The following MANBA variants were observed in gnomAD, a reference collection of about 807,000 sequenced individuals.
MANBA encodes beta-mannosidase.
A neutral mutation model predicts 111.1 loss-of-function variants in MANBA; 83 were observed. That is an observed-to-expected ratio of 0.75 (90% CI 0.63 to 0.90). The LOEUF is 0.90. Ranked by LOEUF, MANBA falls within the 40% of genes least tolerant of loss-of-function variation. The pLI, the probability that MANBA is intolerant of heterozygous loss-of-function variation, is 0.00. For synonymous variants in MANBA, 370 were observed against 378.7 expected (o/e 0.98, Z 0.27); for missense variants, 1,036 against 1,069.0 (o/e 0.97, Z 0.43).
chr4:102,751,761 A>T, intron 1 of MANBA: 2 of 532,760 alleles, frequency 3.8e-6, no homozygotes, highest in Admixed American at 3.9e-5. Flanking sequence ...TTATGATAAG[A>T]CCTCTCAAAT....
intron 2 of MANBA, among the ~76,000 whole-genome samples, chr4:102,726,115 A>G (rs1722786012): frequency 6.6e-6 from 1 of 151,830 alleles, no homozygotes; most frequent in South Asian, 2.1e-4. Context: ...AAAAAAAATC[A>G]CATAAAAGGG....
chr4:102,665,113 C>CT lies in MANBA; in HGVS notation c.1318-262_1318-261insA. The stretch of plus-strand genomic sequence containing the variant: ...ATATAAAAACTGAAGATAATATAAT[C>CT]CCTTTTTTAGAAAGAGAAAGAAAAG... On this transcript the variant is annotated intron_variant, in intron 10 of 16. Transcript: ENST00000647097. 7.5e-6 allele frequency: 3 copies of CT among 399,840 alleles called. No homozygotes were observed. The South Asian group carries it at 8.5e-5, about 11-fold the overall frequency. The allele number at this position is 399,840 out of a possible 1,614,324, so 24.8% of individuals were successfully genotyped here.
chr4:102,734,264 G>T, intron 1 of MANBA: 12 of 1,273,804 alleles, frequency 9.4e-6, no homozygotes, highest in Non-Finnish European at 1.3e-5. Flanking sequence ...AACCTACAAA[G>T]TCTACTCTTC....
At chr4:102,734,746 A>G in intron 1 of MANBA, 1 of 621,724 alleles carries the variant, frequency 1.6e-6, no homozygotes, top group Non-Finnish European at 2.9e-6. Context: ...CTCTGACCTC[A>G]GAGATCTAGA....
intron 4 of MANBA, among the ~76,000 whole-genome samples, chr4:102,716,994 A>G (rs1722364289): frequency 6.6e-6 from 1 of 152,216 alleles, no homozygotes; most frequent in South Asian, 2.1e-4. Context: ...TCATATTCAG[A>G]ATGAAAACCA....
At chr4:102,647,978 G>A (rs1176302382) in intron 13 of MANBA, among the ~76,000 whole-genome samples, 5 of 152,156 alleles carry the variant, frequency 3.3e-5, no homozygotes. Flanking sequence ...AAAATTTCCT[G>A]TCTACTTCAG....
chr4:102,669,705 G>T (rs148414564), intron 9 of MANBA, among the ~76,000 whole-genome samples: 3,279 of 152,236 alleles, frequency 0.022, 97 homozygotes, highest in African/African-American at 0.072. Context: ...ATTAGGCCAG[G>T]CACGGTGGCT....
intron 9 of MANBA, among the ~76,000 whole-genome samples, chr4:102,670,510 C>T (rs1010539015): frequency 6.6e-5 from 10 of 152,164 alleles, no homozygotes; most frequent in Middle Eastern, 3.4e-3. Flanking sequence ...ATTTTCTTTG[C>T]TTTATCCTCA....
chr4:102,631,703 T>G lies in MANBA; in HGVS notation c.*354A>C. 1.9e-6 allele frequency: 1 copy of G among 534,068 alleles called. No homozygotes were observed. The highest frequency in any genetic ancestry group is 3.3e-6 in the Non-Finnish European group (1 of 304,650). The allele number at this position is 534,068 out of a possible 1,614,324, so 33.1% of individuals were successfully genotyped here. A position where few individuals can be genotyped will look rare whatever the true frequency, so the allele number is the denominator to read the frequency against. ...GAAAGACCTACATCACCTCAAAACC[T>G]TCCATTTGGTTCCATAGATCCTGCC... On this transcript the variant is annotated 3_prime_UTR_variant, in exon 17 of 17. Coordinates refer to ENST00000647097, the MANE Select transcript of MANBA (RefSeq NM_005908.4).
intron 1 of MANBA, among the ~76,000 whole-genome samples, chr4:102,739,325 A>C (rs1257656485): frequency 6.6e-6 from 1 of 151,996 alleles, no homozygotes; most frequent in Non-Finnish European, 1.5e-5. Flanking sequence ...ATTGCTGACC[A>C]AAAAAAAGTC....
intron 1 of MANBA, chr4:102,753,827 A>G: frequency 3.2e-6 from 1 of 310,504 alleles, no homozygotes. Flanking sequence ...TCACACCTGT[A>G]ATCCCAGCAC....
At chr4:102,648,379 T>A (rs1168789770) in intron 13 of MANBA, among the ~76,000 whole-genome samples, 3 of 152,112 alleles carry the variant, frequency 2.0e-5, no homozygotes, top group African/African-American at 7.2e-5. Context: ...TGTATAACCA[T>A]AAAACTGAAT....
intron 7 of MANBA, among the ~76,000 whole-genome samples, chr4:102,677,204 G>A (rs911654145): frequency 2.6e-5 from 4 of 152,176 alleles, no homozygotes; most frequent in African/African-American, 4.8e-5. Flanking sequence ...ATACCTGGCA[G>A]ACATTCTCTA....
chr4:102,742,037 A>G (rs181023013), intron 1 of MANBA, among the ~76,000 whole-genome samples: 1 of 152,264 alleles, frequency 6.6e-6, no homozygotes, highest in Non-Finnish European at 1.5e-5. Flanking sequence ...ATACTATGAG[A>G]CACCCCAAGG....
intron 4 of MANBA, among the ~76,000 whole-genome samples, chr4:102,721,717 G>A (rs1341931175): frequency 1.3e-5 from 2 of 152,030 alleles, no homozygotes; most frequent in Non-Finnish European, 2.9e-5. Context: ...ATTTCTAGGG[G>A]AATCAAACAC....
At chr4:102,648,941 T>C (rs1220815887) in intron 13 of MANBA, among the ~76,000 whole-genome samples, 2 of 152,246 alleles carry the variant, frequency 1.3e-5, no homozygotes, top group South Asian at 4.1e-4. Context: ...TGTTTTTTTT[T>C]CTAATATGTA....
At chr4:102,673,829 A>C (rs1578890576) in intron 8 of MANBA, 90 bp downstream of exon 8, 1 of 1,240,450 alleles carries the variant, frequency 8.1e-7, no homozygotes, top group Non-Finnish European at 1.2e-6. Context: ...TTCCTTGCCC[A>C]GAGACTAAAG....
chr4:102,728,934 T>C lies in MANBA; in HGVS notation c.178-2251A>G, dbSNP rs935118477. On this transcript the variant is annotated intron_variant, in intron 1 of 16. Coordinates refer to ENST00000647097, the MANE Select transcript of MANBA (RefSeq NM_005908.4). ...TCACCTGCATAACCACTGGTGGTCT[T>C]TGTATGGATACTCATGTTCTGCATC... 14 of 760,018 alleles carry C rather than the reference T, an allele frequency of 1.8e-5. No homozygotes were observed. In the African/African-American group the frequency reaches 2.2e-4, roughly 12 times the overall value. The allele number at this position is 760,018 out of a possible 1,614,324, so 47.1% of individuals were successfully genotyped here.
At chr4:102,636,103 A>C in intron 14 of MANBA, 96 bp from the exon 15 acceptor site, 1 of 1,100,998 alleles carries the variant, frequency 9.1e-7, no homozygotes, top group South Asian at 1.3e-5. Flanking sequence ...CGGGGTTCTA[A>C]GGGAGTGAGC....
Sources: allele counts gnomAD v4.1 joint callset (sites outside exome capture counted in the v4.1 genomes callset), GRCh38; gene constraint gnomAD v4.1.1; transcripts MANE v1.5; gene names NCBI Gene and HGNC (gene_info 2026-07-23, HGNC 2026-07-21).